WNT9B: variants seen among roughly 807,000 people sequenced by gnomAD.
The protein encoded by WNT9B is protein Wnt-9b.
In WNT9B, 12 loss-of-function variants were observed where a neutral mutation model predicts 30.2. The observed-to-expected ratio is 0.40, with a 90% CI of 0.26 to 0.64. WNT9B has a LOEUF of 0.64. Among genes scored for constraint, WNT9B ranks in the 30% least tolerant of loss-of-function variants. The pLI, the probability that WNT9B is intolerant of heterozygous loss-of-function variation, is 0.42. For synonymous variants in WNT9B, 218 were observed against 216.9 expected (o/e 1.01, Z -0.05); for missense variants, 442 against 485.2 (o/e 0.91, Z 0.84).
In WNT9B at chr17:46,880,050, G is replaced by C. The variant is rs533692059; in HGVS notation, c.*3332G>C. Reference sequence around the variant, plus strand: ...TGAATTGTTTTCCACTGGATTTCTGGCTGCTTTTGCAAAAGTCAGCTGCGC... The same window carrying C: ...TGAATTGTTTTCCACTGGATTTCTGCCTGCTTTTGCAAAAGTCAGCTGCGC... On this transcript the variant is annotated 3_prime_UTR_variant, in exon 4 of 4. Coordinates refer to ENST00000290015, the MANE Select transcript of WNT9B (RefSeq NM_003396.3). 7.9e-5 allele frequency among the ~76,000 whole-genome samples: 12 copies of C among 152,344 alleles called. No homozygotes were observed. The highest frequency in any genetic ancestry group is 2.0e-4 in the Admixed American group (3 of 15,308).
rs994039638 is a variant in WNT9B, at chr17:46,877,715, C to A, written c.*997C>A. On this transcript the variant is annotated 3_prime_UTR_variant, in exon 4 of 4. Transcript: ENST00000290015. ...GCTGGGGCCTGCCTGGTCTGTGACACCCCCATACCAGCTGAGTTCACAATA... is the reference window on the plus strand; with the variant it reads ...GCTGGGGCCTGCCTGGTCTGTGACAACCCCATACCAGCTGAGTTCACAATA... 1.3e-5 allele frequency among the ~76,000 whole-genome samples: 2 copies of A among 152,168 alleles called. No homozygotes were observed. Among genetic ancestry groups the A allele is most frequent in the Non-Finnish European group, 1.5e-5 (1 of 68,032 alleles).
chr17:46,856,373 C>T (rs1016631803), intron 1 of WNT9B, among the ~76,000 whole-genome samples: 1 of 152,164 alleles, frequency 6.6e-6, no homozygotes, highest in South Asian at 2.1e-4. Flanking sequence ...GGGTTCTAAA[C>T]ATCATCCCAG....
chr17:46,837,200 C>A (rs1407151331), intron 1 of WNT9B, among the ~76,000 whole-genome samples: 1 of 152,176 alleles, frequency 6.6e-6, no homozygotes, highest in Admixed American at 6.5e-5. Context: ...CGCGGCCCCC[C>A]AAAGTGCTGG....
upstream of WNT9B, among the ~76,000 whole-genome samples, chr17:46,850,180 C>T (rs2084824584): frequency 6.6e-6 from 1 of 152,188 alleles, no homozygotes; most frequent in Non-Finnish European, 1.5e-5. Flanking sequence ...CACAAAAATC[C>T]TGTTAGATAT....
chr17:46,833,236 G>GC, exon 1 of WNT9B: 1 of 424,830 alleles, frequency 2.4e-6, no homozygotes, highest in Non-Finnish European at 4.7e-6. Context: ...TGGAAGCTGG[G>GC]CCTGAGCCCT....
At position 46,876,491 on chromosome 17, in the gene WNT9B, T is replaced by A. The variant is rs1196489495; in HGVS notation, c.847T>A (p.Tyr283Asn). 1.9e-6 allele frequency: 3 copies of A among 1,613,612 alleles called. No individual in the cohort carries two copies. The highest frequency in any genetic ancestry group is 2.5e-6 in the Non-Finnish European group (3 of 1,180,024). ...GLAPRSGDLV[Y>N]MEDSPSFCRP... is the part of the protein sequence containing the mutation. ...GGCCCCAAGGTCTGGGGACCTGGTGTACATGGAGGACTCACCCAGCTTCTG... is the reference window on the plus strand; with the variant it reads ...GGCCCCAAGGTCTGGGGACCTGGTGAACATGGAGGACTCACCCAGCTTCTG... The change falls in exon 4 of 4, where the codon TAC (tyrosine) becomes AAC (asparagine). Residue 283 changes from tyrosine (Y) to asparagine (N), a missense_variant. Coordinates refer to ENST00000290015, the MANE Select transcript of WNT9B (RefSeq NM_003396.3).
intron 1 of WNT9B, among the ~76,000 whole-genome samples, chr17:46,870,014 A>G (rs1199563999): frequency 6.6e-6 from 1 of 152,186 alleles, no homozygotes; most frequent in Non-Finnish European, 1.5e-5. Flanking sequence ...AAAATGTTAT[A>G]TATCATGTCA....
downstream of WNT9B, chr17:46,885,309 A>G (rs766260340): frequency 4.8e-6 from 1 of 209,796 alleles, no homozygotes; most frequent in Non-Finnish European, 9.5e-6. Flanking sequence ...CCTGGCCAGC[A>G]TTTTTTTTTT....
chr17:46,836,098 G>A (rs1296541929), intron 1 of WNT9B, among the ~76,000 whole-genome samples: 1 of 110,462 alleles, frequency 9.1e-6, no homozygotes, highest in Non-Finnish European at 2.2e-5. Flanking sequence ...ACGCTGACGT[G>A]TGTGTGTGTG....
intron 1 of WNT9B, among the ~76,000 whole-genome samples, chr17:46,841,594 G>C (rs1466055185): frequency 1.3e-5 from 2 of 152,240 alleles, no homozygotes; most frequent in African/African-American, 4.8e-5. Context: ...CAGGGCTTCG[G>C]AGAAGGGAGC....
At chr17:46,841,892 GGT>G (rs370869213) in intron 1 of WNT9B, among the ~76,000 whole-genome samples, 225 of 152,342 alleles carry the variant, frequency 1.5e-3, no homozygotes, top group African/African-American at 5.3e-3. Flanking sequence ...GCTCCTCTGC[GGT>G]GTGTGGGGGG....
At chr17:46,850,161 T>C (rs954825961), upstream of WNT9B, among the ~76,000 whole-genome samples, 4 of 152,214 alleles carry the variant, frequency 2.6e-5, no homozygotes, top group African/African-American at 9.6e-5. Context: ...GCATTTAACA[T>C]CTTACCTGCA....
At chr17:46,850,774 A>G (rs994971583), upstream of WNT9B, among the ~76,000 whole-genome samples, 5 of 152,162 alleles carry the variant, frequency 3.3e-5, no homozygotes, top group African/African-American at 1.2e-4. Context: ...GGGGCCCAAC[A>G]CTTGAAGTTC....
At chr17:46,842,162 T>A (rs2084723418) in intron 1 of WNT9B, among the ~76,000 whole-genome samples, 1 of 152,206 alleles carries the variant, frequency 6.6e-6, no homozygotes, top group Non-Finnish European at 1.5e-5. Context: ...AAGTTGCTGG[T>A]ATTTAGGTCC....
intron 1 of WNT9B, among the ~76,000 whole-genome samples, chr17:46,843,510 T>A (rs1190406661): frequency 6.6e-6 from 1 of 152,226 alleles, no homozygotes; most frequent in Admixed American, 6.5e-5. Context: ...AGCTACCTCT[T>A]CCCTGGAACA....
intron 1 of WNT9B, among the ~76,000 whole-genome samples, chr17:46,836,095 C>CGCGTGTGTGTGTGTGT (rs1555692748): frequency 1.6e-5 from 2 of 126,502 alleles, no homozygotes; most frequent in East Asian, 5.4e-4. Flanking sequence ...GAGACGCTGA[C>CGCGTGTGTGTGTGTGT]GTGTGTGTGT....
At chr17:46,851,349 G>C (rs1043844399), upstream of WNT9B, among the ~76,000 whole-genome samples, 1 of 151,642 alleles carries the variant, frequency 6.6e-6, no homozygotes, top group Admixed American at 6.6e-5. The surrounding 1 kb of genome is among the most constrained non-coding windows in gnomAD (Gnocchi z 4.3). Context: ...GACCCCGGGC[G>C]GGCGCGGCGC....
At chr17:46,867,998 G>A (rs1384812647) in intron 1 of WNT9B, among the ~76,000 whole-genome samples, 2 of 152,058 alleles carry the variant, frequency 1.3e-5, no homozygotes, top group African/African-American at 2.4e-5. Flanking sequence ...GGGAGGAGGC[G>A]GCCGCTGTTC....
intron 1 of WNT9B, among the ~76,000 whole-genome samples, chr17:46,836,117 T>TGTGTGTGTGTGTGTGTGTGTGTG (rs1568111823): frequency 1.3e-5 from 2 of 151,440 alleles, no homozygotes; most frequent in African/African-American, 4.9e-5. Flanking sequence ...TGTGTGTGTG[T>TGTGTGTGTGTGTGTGTGTGTGTG]GTGTGTGTGT....
Sources: allele counts gnomAD v4.1 joint callset (sites outside exome capture counted in the v4.1 genomes callset), GRCh38; gene constraint gnomAD v4.1.1; non-coding constraint Gnocchi (gnomAD v3.1); transcripts MANE v1.5; gene names NCBI Gene and HGNC (gene_info 2026-07-23, HGNC 2026-07-21).